The following ST6GALNAC3 variants were observed in gnomAD, a reference collection of about 807,000 sequenced individuals.
ST6GALNAC3 encodes ST6 N-acetylgalactosaminide alpha-2,6-sialyltransferase 3, also known as alpha-N-acetylgalactosaminide alpha-2,6-sialyltransferase 3.
Under a neutral mutation model 32.7 loss-of-function variants are expected in ST6GALNAC3, and 25 were observed. The ratio of observed to expected loss-of-function variants is 0.76; its 90% CI spans 0.56 to 1.07. The LOEUF (loss-of-function observed/expected upper bound fraction) is 1.07, where lower values mean the gene tolerates loss of function less well. Among genes scored for constraint, ST6GALNAC3 ranks in the 50% least tolerant of loss-of-function variants. The pLI is 0.00. For missense variants in ST6GALNAC3, 355 were observed against 382.4 expected (o/e 0.93, Z 0.60); for synonymous variants, 129 against 133.1 (o/e 0.97, Z 0.21).
At chr1:76,184,945 A>G (rs1399388999) in intron 1 of ST6GALNAC3, among the ~76,000 whole-genome samples, 1 of 152,204 alleles carries the variant, frequency 6.6e-6, no homozygotes, top group Non-Finnish European at 1.5e-5. Flanking sequence ...AATAATAATG[A>G]TAAAGATCAT....
chr1:76,276,129 A>G (rs1351148207), intron 1 of ST6GALNAC3, among the ~76,000 whole-genome samples: 1 of 152,008 alleles, frequency 6.6e-6, no homozygotes, highest in Non-Finnish European at 1.5e-5. Flanking sequence ...CTCTACTAAC[A>G]TCTTATTGAC....
intron 2 of ST6GALNAC3, among the ~76,000 whole-genome samples, chr1:76,335,173 T>TA (rs1259907678): frequency 6.6e-6 from 1 of 152,224 alleles, no homozygotes; most frequent in East Asian, 1.9e-4. Context: ...CATCTCCTCT[T>TA]ACCATGCAGT....
intron 1 of ST6GALNAC3, among the ~76,000 whole-genome samples, chr1:76,201,249 G>T (rs1398561129): frequency 6.6e-6 from 1 of 152,192 alleles, no homozygotes; most frequent in African/African-American, 2.4e-5. Flanking sequence ...GGCCAGCGAG[G>T]TCTCAATCAT....
In ST6GALNAC3 at chr1:76,256,183, G is replaced by A. The variant is rs545297875; in HGVS notation, c.19-57622G>A. On this transcript the variant is annotated intron_variant, in intron 1 of 4. Transcript: ENST00000328299. Reference sequence around the variant, plus strand: ...CATGTACATCTGCACTGTTTGACATGTTATAAGAAGTGCTAAATTATCTTA... The same window carrying A: ...CATGTACATCTGCACTGTTTGACATATTATAAGAAGTGCTAAATTATCTTA... Among the ~76,000 whole-genome samples, 4 of 152,240 alleles carry A rather than the reference G, an allele frequency of 2.6e-5. No individual in the cohort carries two copies. The East Asian group carries it at 7.7e-4, about 29-fold the overall frequency.
At chr1:76,313,528 A>G in intron 1 of ST6GALNAC3, 1 of 468,424 alleles carries the variant, frequency 2.1e-6, no homozygotes, top group South Asian at 2.2e-5. Flanking sequence ...GGTTTTGCAA[A>G]CTGAATAGGA....
intron 3 of ST6GALNAC3, among the ~76,000 whole-genome samples, chr1:76,449,194 T>G (rs1003716832): frequency 6.6e-6 from 1 of 152,238 alleles, no homozygotes; most frequent in African/African-American, 2.4e-5. Context: ...TTCAGTTGGC[T>G]TATTTCACTT....
At chr1:76,128,248 C>A (rs137871650) in intron 1 of ST6GALNAC3, among the ~76,000 whole-genome samples, 1 of 152,148 alleles carries the variant, frequency 6.6e-6, no homozygotes, top group African/African-American at 2.4e-5. Flanking sequence ...ATCTGCAGCA[C>A]GTGCCAGTCT....
intron 2 of ST6GALNAC3, among the ~76,000 whole-genome samples, chr1:76,391,440 A>G (rs767594846): frequency 1.1e-4 from 17 of 152,206 alleles, no homozygotes; most frequent in Non-Finnish European, 2.4e-4. Flanking sequence ...TGGAGAAGTC[A>G]GTGGAAGGTG....
At chr1:76,381,323 T>C (rs866362401) in intron 2 of ST6GALNAC3, among the ~76,000 whole-genome samples, 2 of 152,058 alleles carry the variant, frequency 1.3e-5, no homozygotes, top group Non-Finnish European at 2.9e-5. Flanking sequence ...GGGGCAAGTG[T>C]TGATATAGAC....
At chr1:76,314,161 A>C (rs1646823183) in intron 2 of ST6GALNAC3, among the ~76,000 whole-genome samples, 162 bp downstream of exon 2, 1 of 152,052 alleles carries the variant, frequency 6.6e-6, no homozygotes, top group Non-Finnish European at 1.5e-5. Flanking sequence ...TTAGACATTT[A>C]CTGACAAATG....
In ST6GALNAC3 at chr1:76,232,982, C is replaced by T. The variant is rs1223634200; in HGVS notation, c.19-80823C>T. On this transcript the variant is annotated intron_variant, in intron 1 of 4. Coordinates refer to ENST00000328299, the MANE Select transcript of ST6GALNAC3 (RefSeq NM_152996.4). Reference sequence around the variant, plus strand: ...CTTTGGACACTGTACTTAACCTCATCAAGTCTCTGAGACACAGGTACATGA... The same window carrying T: ...CTTTGGACACTGTACTTAACCTCATTAAGTCTCTGAGACACAGGTACATGA... Among the ~76,000 whole-genome samples the T allele has an allele frequency of 3.3e-5, 5 of 152,142 alleles. No individual in the cohort carries two copies. In the East Asian group the frequency reaches 9.6e-4, roughly 29 times the overall value.
At chr1:76,314,716 T>C (rs1646832054) in intron 2 of ST6GALNAC3, among the ~76,000 whole-genome samples, 1 of 152,166 alleles carries the variant, frequency 6.6e-6, no homozygotes, top group African/African-American at 2.4e-5. Flanking sequence ...AATAAAATTG[T>C]TTTCACTATT....
At chr1:76,088,729 C>CA (rs1372354291) in intron 1 of ST6GALNAC3, among the ~76,000 whole-genome samples, 3 of 151,732 alleles carry the variant, frequency 2.0e-5, no homozygotes, top group Admixed American at 1.3e-4. Flanking sequence ...AAAAGGATCA[C>CA]AAAAAAAACT....
chr1:76,636,718 A>G (rs1649514121), downstream of ST6GALNAC3, among the ~76,000 whole-genome samples: 2 of 151,928 alleles, frequency 1.3e-5, no homozygotes, highest in South Asian at 2.1e-4. Context: ...AGAATTTTGC[A>G]TCCTAGAAGT....
intron 1 of ST6GALNAC3, among the ~76,000 whole-genome samples, chr1:76,076,687 A>G (rs1646820548): frequency 6.6e-6 from 1 of 152,198 alleles, no homozygotes; most frequent in African/African-American, 2.4e-5. Flanking sequence ...GTTGATCCTT[A>G]CTATATCCTC....
intron 3 of ST6GALNAC3, among the ~76,000 whole-genome samples, chr1:76,515,654 C>T (rs12140182): frequency 0.098 from 14,958 of 152,082 alleles, 931 homozygotes; most frequent in East Asian, 0.22. Flanking sequence ...ATTTCCCTTT[C>T]GTCTACTTAC....
intron 1 of ST6GALNAC3, among the ~76,000 whole-genome samples, chr1:76,117,855 G>GC (rs1648588534): frequency 6.6e-6 from 1 of 152,162 alleles, no homozygotes; most frequent in Non-Finnish European, 1.5e-5. Flanking sequence ...ATGACTTCAA[G>GC]CAAGTTCCCT....
At chr1:76,125,802 C>G (rs1044942070) in intron 1 of ST6GALNAC3, among the ~76,000 whole-genome samples, 3 of 152,178 alleles carry the variant, frequency 2.0e-5, no homozygotes, top group Non-Finnish European at 4.4e-5. Context: ...AGATCTCCTT[C>G]ATCCTGATGC....
intron 3 of ST6GALNAC3, among the ~76,000 whole-genome samples, chr1:76,626,426 G>A (rs1385149455): frequency 6.6e-6 from 1 of 151,896 alleles, no homozygotes; most frequent in East Asian, 1.9e-4. Context: ...GAGTCACACT[G>A]GCTAAAGACA....
Sources: gnomAD v4.1 joint callset for allele counts (sites outside exome capture counted in the v4.1 genomes callset) on GRCh38, gnomAD v4.1.1 for gene constraint, MANE v1.5 for transcripts, NCBI Gene and HGNC (gene_info 2026-07-23, HGNC 2026-07-21) for gene names.